Variants in PLEKHS1 observed in about 807,000 individuals in gnomAD.
PLEKHS1 encodes pleckstrin homology domain-containing family S member 1.
Under a neutral mutation model 51.0 loss-of-function variants are expected in PLEKHS1, and 55 were observed. The observed-to-expected ratio is 1.08, with a 90% CI of 0.87 to 1.35. The LOEUF (loss-of-function observed/expected upper bound fraction) is 1.35, where lower values mean the gene tolerates loss of function less well. PLEKHS1 is among the 40% of genes most tolerant of loss of function. PLEKHS1 has a pLI of 0.00. For missense variants in PLEKHS1, 398 were observed against 423.0 expected (o/e 0.94, Z 0.52); for synonymous variants, 153 against 144.8 (o/e 1.06, Z -0.41).
chr10:113,768,791 C>G (rs1208526580), intron 5 of PLEKHS1, 24 bp from the exon 6 acceptor site: 3 of 1,598,958 alleles, frequency 1.9e-6, no homozygotes, highest in Non-Finnish European at 2.6e-6. Flanking sequence ...CACATGCCAA[C>G]TGAAAGTTTA....
intron 2 of PLEKHS1, among the ~76,000 whole-genome samples, chr10:113,758,925 G>C (rs1432863208): frequency 6.6e-6 from 1 of 152,146 alleles, no homozygotes; most frequent in East Asian, 1.9e-4. Flanking sequence ...ATGTGACACA[G>C]AGACACTAAG....
intron 2 of PLEKHS1, among the ~76,000 whole-genome samples, chr10:113,757,158 C>T (rs1030828679): frequency 5.3e-5 from 8 of 152,132 alleles, no homozygotes; most frequent in South Asian, 2.1e-4. Context: ...CGTGATCCAC[C>T]CGCCTTGGCC....
chr10:113,762,534 T>G lies in PLEKHS1; in HGVS notation c.29-3877T>G, dbSNP rs865792017. 2.8e-4 allele frequency among the ~76,000 whole-genome samples: 43 copies of G among 152,052 alleles called. 1 individual carries two copies. The East Asian group carries it at 6.2e-3, about 22-fold the overall frequency. On this transcript the variant is annotated intron_variant, in intron 2 of 11. Coordinates refer to ENST00000361048, the Ensembl canonical transcript of PLEKHS1. ...AGTGGCATCCACAAATTCTGATACC[T>G]TGTGTTTTAATTTTCATCCAGTTCA...
intron 10 of PLEKHS1, among the ~76,000 whole-genome samples, chr10:113,775,469 C>T (rs541564026): frequency 3.1e-4 from 47 of 152,266 alleles, no homozygotes; most frequent in Middle Eastern, 3.4e-3. Context: ...AACTCTTTTC[C>T]ATGCCTTCTT....
intron 11 of PLEKHS1, chr10:113,777,693 A>G: frequency 2.3e-5 from 35 of 1,527,726 alleles, no homozygotes; most frequent in Non-Finnish European, 3.1e-5. Flanking sequence ...TAGGTGCTCA[A>G]TAAAGCTACT....
At chr10:113,766,831 C>G in intron 4 of PLEKHS1, 113 bp downstream of exon 4, 2 of 768,342 alleles carry the variant, frequency 2.6e-6, no homozygotes, top group Non-Finnish European at 4.1e-6. Flanking sequence ...CTGCTTCAAG[C>G]TGATTATAAT....
chr10:113,774,914 C>G, exon 10 of PLEKHS1: 1 of 1,614,192 alleles, frequency 6.2e-7, no homozygotes, highest in Non-Finnish European at 8.5e-7. Flanking sequence ...GGACCTCCAC[C>G]TGCAAGAACA....
chr10:113,753,297 A>C (rs1017700317), intron 1 of PLEKHS1, among the ~76,000 whole-genome samples: 2 of 152,214 alleles, frequency 1.3e-5, no homozygotes, highest in Non-Finnish European at 2.9e-5. Context: ...CTCTTCAGGC[A>C]GTGAAATCCT....
exon 11 of PLEKHS1, chr10:113,775,861 G>C: frequency 1.2e-6 from 2 of 1,603,802 alleles, no homozygotes; most frequent in Non-Finnish European, 1.7e-6. Context: ...CCACAGGACG[G>C]ATATGGTAGG....
chr10:113,777,169 C>T, intron 11 of PLEKHS1: 1 of 1,612,784 alleles, frequency 6.2e-7, no homozygotes, highest in Non-Finnish European at 8.5e-7. Context: ...GCATATTTTG[C>T]CACGGAGATC....
intron 1 of PLEKHS1, among the ~76,000 whole-genome samples, chr10:113,752,554 A>G (rs969375336): frequency 2.0e-5 from 3 of 152,186 alleles, no homozygotes; most frequent in Non-Finnish European, 2.9e-5. Context: ...ACTCCCAGCA[A>G]TCTGATGAGG....
chr10:113,755,164 G>T, intron 1 of PLEKHS1, 95 bp from the exon 2 acceptor site: 1 of 1,368,158 alleles, frequency 7.3e-7, no homozygotes, highest in South Asian at 1.6e-5. Flanking sequence ...CAACATTCGT[G>T]AGCACAATCC....
At chr10:113,774,202 T>G (rs1844545761) in intron 8 of PLEKHS1, 25 bp from the exon 9 acceptor site, 1 of 1,421,514 alleles carries the variant, frequency 7.0e-7, no homozygotes, top group Non-Finnish European at 9.8e-7. Flanking sequence ...ACTGGGATTC[T>G]TACATCTATT....
intron 6 of PLEKHS1, among the ~76,000 whole-genome samples, 188 bp downstream of exon 6, chr10:113,769,078 G>T (rs961259531): frequency 6.6e-6 from 1 of 152,182 alleles, no homozygotes; most frequent in Admixed American, 6.5e-5. Context: ...TTTTGTGAGA[G>T]AGCTAAAGTA....
intron 2 of PLEKHS1, 125 bp from the exon 3 acceptor site, chr10:113,766,286 G>A: frequency 1.6e-6 from 1 of 626,752 alleles, no homozygotes. Context: ...GTTATTATAG[G>A]TGTCCTTTTC....
At chr10:113,776,256 A>G (rs1416150428) in intron 11 of PLEKHS1, among the ~76,000 whole-genome samples, 1 of 152,212 alleles carries the variant, frequency 6.6e-6, no homozygotes, top group Non-Finnish European at 1.5e-5. Flanking sequence ...AAGAAAGCAC[A>G]TCAGCTTCTA....
intron 1 of PLEKHS1, among the ~76,000 whole-genome samples, chr10:113,754,963 A>G (rs1460218952): frequency 6.6e-6 from 1 of 152,202 alleles, no homozygotes; most frequent in Non-Finnish European, 1.5e-5. Context: ...TTATCAAAGC[A>G]GTAAGAACAG....
At chr10:113,765,629 T>G (rs1844126530) in intron 2 of PLEKHS1, among the ~76,000 whole-genome samples, 1 of 152,236 alleles carries the variant, frequency 6.6e-6, no homozygotes, top group African/African-American at 2.4e-5. Context: ...GTGATGAAAT[T>G]ATAGGCAGTT....
intron 2 of PLEKHS1, among the ~76,000 whole-genome samples, chr10:113,761,340 G>C (rs1013000219): frequency 6.6e-6 from 1 of 152,120 alleles, no homozygotes; most frequent in Admixed American, 6.5e-5. Flanking sequence ...GATTTTAATA[G>C]AGATTGCATT....
Sources: allele counts gnomAD v4.1 joint callset (sites outside exome capture counted in the v4.1 genomes callset), GRCh38; gene constraint gnomAD v4.1.1; transcripts MANE v1.5; gene names NCBI Gene and HGNC (gene_info 2026-07-23, HGNC 2026-07-21).